CMTM8: variants seen among roughly 807,000 people sequenced by gnomAD.
CMTM8 encodes the protein CKLF like MARVEL transmembrane domain containing 8, also known as CKLF-like MARVEL transmembrane domain-containing protein 8.
CMTM8 carries 12 observed loss-of-function variants against 18.6 expected under a neutral mutation model. The ratio of observed to expected loss-of-function variants is 0.65; its 90% confidence interval spans 0.41 to 1.05. The LOEUF (loss-of-function observed/expected upper bound fraction) is 1.05. Among genes scored for constraint, CMTM8 ranks in the 50% least tolerant of loss-of-function variants. The probability of loss-of-function intolerance (pLI) is 0.00; values close to 1 mark genes in which losing one functional copy is unlikely to be tolerated. For missense variants in CMTM8, 217 were observed against 227.2 expected (o/e 0.95, Z 0.29); for synonymous variants, 87 against 90.6 (o/e 0.96, Z 0.23).
intron 1 of CMTM8, among the ~76,000 whole-genome samples, chr3:32,258,776 G>A (rs1310808400): frequency 6.6e-6 from 1 of 152,168 alleles, no homozygotes; most frequent in African/African-American, 2.4e-5. Flanking sequence ...CTCCCAAAGA[G>A]CCATAGTGAC....
intron 1 of CMTM8, among the ~76,000 whole-genome samples, chr3:32,339,689 C>T (rs777474663): frequency 7.9e-5 from 12 of 152,108 alleles, no homozygotes; most frequent in Non-Finnish European, 1.6e-4. Flanking sequence ...GTAGGCCGGG[C>T]GCGGTGGCTC....
chr3:32,247,601 C>T lies in CMTM8; in HGVS notation c.147+8482C>T, dbSNP rs570101046. Among the ~76,000 whole-genome samples the T allele has an allele frequency of 4.6e-5, 7 of 152,184 alleles. No individual in the cohort carries two copies. The South Asian group carries it at 1.5e-3, about 32-fold the overall frequency. The stretch of plus-strand genomic sequence containing the variant: ...TCGACCTCCCCAAGTGCTGAGATTA[C>T]AGGCGTGCACCACCACGCCCAGCTA... On this transcript the variant is annotated intron_variant, in intron 1 of 3. Transcript: ENST00000307526.
chr3:32,338,946 C>G (rs1696440896), intron 1 of CMTM8, among the ~76,000 whole-genome samples: 1 of 152,206 alleles, frequency 6.6e-6, no homozygotes, highest in African/African-American at 2.4e-5. Context: ...ATCAGCTTCA[C>G]TCACGTGGCT....
chr3:32,268,556 C>T (rs908152480), intron 1 of CMTM8, among the ~76,000 whole-genome samples: 8 of 149,278 alleles, frequency 5.4e-5, no homozygotes, highest in Non-Finnish European at 1.0e-4. Context: ...AACAAACTTG[C>T]ACGTTGTGCA....
intron 2 of CMTM8, among the ~76,000 whole-genome samples, chr3:32,360,703 T>C (rs1239314372): frequency 6.6e-6 from 1 of 152,242 alleles, no homozygotes; most frequent in Non-Finnish European, 1.5e-5. Flanking sequence ...AGGCTCCTGC[T>C]GCCGAGTTGG....
At chr3:32,363,642 G>A (rs977558151) in intron 2 of CMTM8, among the ~76,000 whole-genome samples, 12 of 152,184 alleles carry the variant, frequency 7.9e-5, no homozygotes, top group East Asian at 1.9e-4. Context: ...AGCTGTGAGC[G>A]CTGCATTGGC....
At chr3:32,346,814 CTTT>C (rs34230571) in intron 1 of CMTM8, among the ~76,000 whole-genome samples, 3 of 131,458 alleles carry the variant, frequency 2.3e-5, no homozygotes, top group South Asian at 2.4e-4. Flanking sequence ...TGTTATAATT[CTTT>C]TTTTTTTTTT....
chr3:32,273,063 A>G (rs527895463), intron 1 of CMTM8, among the ~76,000 whole-genome samples: 1 of 152,046 alleles, frequency 6.6e-6, no homozygotes, highest in African/African-American at 2.4e-5. Flanking sequence ...TTTCACACCT[A>G]TAAGGATGGG....
intron 1 of CMTM8, chr3:32,259,301 C>G: frequency 1.4e-6 from 1 of 692,764 alleles, no homozygotes; most frequent in Non-Finnish European, 2.7e-6. Context: ...TGAAGGGACC[C>G]CAGGTCAGAG....
At chr3:32,241,027 A>G (rs1701940832) in intron 1 of CMTM8, among the ~76,000 whole-genome samples, 2 of 152,150 alleles carry the variant, frequency 1.3e-5, no homozygotes, top group South Asian at 2.1e-4. Context: ...GGCTCAAGCA[A>G]TCCTCCTGCC....
At chr3:32,339,245 T>G (rs1195888928) in intron 1 of CMTM8, among the ~76,000 whole-genome samples, 2 of 152,164 alleles carry the variant, frequency 1.3e-5, no homozygotes, top group South Asian at 2.1e-4. Context: ...TCCTGTGGTG[T>G]TGTCACAGTG....
In CMTM8 at chr3:32,367,867, C is replaced by A. The variant is rs753869089; in HGVS notation, c.322-5C>A. On this transcript the variant is annotated splice_polypyrimidine_tract_variant and splice_region_variant and intron_variant, in intron 2 of 3. Coordinates refer to ENST00000307526, the MANE Select transcript of CMTM8 (RefSeq NM_178868.5). ...CCTAAACACTCTGCCCCTGTGTCCC[C>A]CCAGGGCCTGTGCTTTAACGGCAGT... 6.2e-7 allele frequency: 1 copy of A among 1,608,096 alleles called. No homozygotes were observed. The highest frequency in any genetic ancestry group is 8.5e-7 in the Non-Finnish European group (1 of 1,174,944).
At chr3:32,314,457 G>A (rs1407678834) in intron 1 of CMTM8, among the ~76,000 whole-genome samples, 1 of 149,846 alleles carries the variant, frequency 6.7e-6, no homozygotes, top group African/African-American at 2.5e-5. Flanking sequence ...GGGAGAGGGT[G>A]GGTAGGCAGA....
At chr3:32,285,286 G>A (rs1239792664) in intron 1 of CMTM8, among the ~76,000 whole-genome samples, 2 of 152,112 alleles carry the variant, frequency 1.3e-5, no homozygotes, top group African/African-American at 2.4e-5. Flanking sequence ...AGGCCGAGGC[G>A]GATGGATCAC....
At chr3:32,315,288 C>G (rs560467189) in intron 1 of CMTM8, among the ~76,000 whole-genome samples, 4 of 152,222 alleles carry the variant, frequency 2.6e-5, no homozygotes, top group Admixed American at 2.0e-4. Flanking sequence ...TGCCACCACA[C>G]CCAGCTAATT....
At chr3:32,337,929 G>A (rs1280013921) in intron 1 of CMTM8, among the ~76,000 whole-genome samples, 1 of 151,116 alleles carries the variant, frequency 6.6e-6, no homozygotes, top group Non-Finnish European at 1.5e-5. Flanking sequence ...GAGTAGTTGT[G>A]GCAGAGATCA....
chr3:32,325,269 T>C (rs1696129435), intron 1 of CMTM8, among the ~76,000 whole-genome samples: 1 of 152,188 alleles, frequency 6.6e-6, no homozygotes, highest in Admixed American at 6.5e-5. Context: ...CCTATTTAAA[T>C]TGTGAAATAG....
chr3:32,316,103 T>C lies in CMTM8; in HGVS notation c.148-41270T>C, dbSNP rs180686156. On this transcript the variant is annotated intron_variant, in intron 1 of 3. Coordinates refer to ENST00000307526, the MANE Select transcript of CMTM8 (RefSeq NM_178868.5). ...GTACAGTGGCGCGATCTCGGCTCAC[T>C]GCAAGCTCCGCCTCCCGGGATCACG... Among the ~76,000 whole-genome samples the C allele has an allele frequency of 4.1e-3, 544 of 133,554 alleles. 1 individual carries two copies. Among genetic ancestry groups the C allele is most frequent in the Non-Finnish European group, 6.6e-3 (427 of 64,792 alleles). 87.6% of individuals were successfully genotyped at this position (133,554 alleles called of 152,430 possible). A position where few individuals can be genotyped will look rare whatever the true frequency, so the allele number is the denominator to read the frequency against.
At chr3:32,277,128 C>A (rs745709600) in intron 1 of CMTM8, among the ~76,000 whole-genome samples, 2 of 152,112 alleles carry the variant, frequency 1.3e-5, no homozygotes, top group African/African-American at 4.8e-5. Flanking sequence ...CTCAAGTAAT[C>A]CTCCCACCTC....
Sources: gnomAD v4.1 joint callset for allele counts (sites outside exome capture counted in the v4.1 genomes callset) on GRCh38, gnomAD v4.1.1 for gene constraint, MANE v1.5 for transcripts, NCBI Gene and HGNC (gene_info 2026-07-23, HGNC 2026-07-21) for gene names.